Variants in PKHD1L1 observed in about 807,000 individuals in gnomAD.
PKHD1L1 encodes PKHD1 like 1, also known as fibrocystin-L.
Under a neutral mutation model 462.9 loss-of-function variants are expected in PKHD1L1, and 434 were observed. The observed-to-expected ratio is 0.94, with a 90% confidence interval of 0.87 to 1.02. PKHD1L1 has a LOEUF of 1.02. PKHD1L1 is among the 50% of genes least tolerant of loss of function. The pLI is 0.00. For missense variants in PKHD1L1, 5,202 were observed against 5,096.1 expected, an observed-to-expected ratio of 1.02 and a Z score of -0.63; for synonymous variants, 1,781 against 1,750.0, an observed-to-expected ratio of 1.02 and a Z score of -0.44.
chr8:109,408,232 C>T (rs761294743), intron 18 of PKHD1L1, 26 bp downstream of exon 18: 26 of 1,595,756 alleles, frequency 1.6e-5, no homozygotes, highest in East Asian at 1.4e-4. Flanking sequence ...GTTTCTACCA[C>T]GCATTTTCCC....
chr8:109,376,300 A>G (rs1165083489), intron 2 of PKHD1L1, among the ~76,000 whole-genome samples: 7 of 152,178 alleles, frequency 4.6e-5, no homozygotes, highest in Non-Finnish European at 1.0e-4. Flanking sequence ...CCTCCGAGCC[A>G]TGTGCAGGAT....
At chr8:109,367,899 C>T (rs76002311) in intron 2 of PKHD1L1, among the ~76,000 whole-genome samples, 1 of 152,104 alleles carries the variant, frequency 6.6e-6, no homozygotes, top group African/African-American at 2.4e-5. Context: ...TGAAACCCTG[C>T]TTTAAAAACA....
chr8:109,414,138 C>T (rs1814005053), intron 21 of PKHD1L1, among the ~76,000 whole-genome samples: 1 of 152,030 alleles, frequency 6.6e-6, no homozygotes, highest in African/African-American at 2.4e-5. Flanking sequence ...AAATTTATGT[C>T]AGTTGTGACT....
chr8:109,452,080 A>G (rs1397839976), intron 41 of PKHD1L1, 44 bp from the exon 42 acceptor site: 2 of 1,568,282 alleles, frequency 1.3e-6, no homozygotes, highest in Non-Finnish European at 1.7e-6. Flanking sequence ...TGATCTAGAT[A>G]TTTGAGAAAA....
At position 109,498,459 on chromosome 8, in the gene PKHD1L1, C is replaced by G; in HGVS notation, c.10600-3C>G. ...CTATATTGTTTGGCTTATTTCCAAA[C>G]AGAGCTCATTAATTGTTGGAAGTAG... On this transcript the variant is annotated splice_polypyrimidine_tract_variant and splice_region_variant and intron_variant, in intron 65 of 77. Coordinates refer to ENST00000378402, the MANE Select transcript of PKHD1L1 (RefSeq NM_177531.6). The G allele has an allele frequency of 6.3e-7, 1 of 1,592,754 alleles. No individual in the cohort carries two copies. The highest frequency in any genetic ancestry group is 8.6e-7 in the Non-Finnish European group (1 of 1,161,124).
intron 27 of PKHD1L1, among the ~76,000 whole-genome samples, chr8:109,430,972 CTTT>C (rs11315322): frequency 2.9e-5 from 4 of 138,948 alleles, no homozygotes. Context: ...TGAATTCCCA[CTTT>C]TTTTTTTTTT....
chr8:109,461,666 G>T (rs1326685638), intron 47 of PKHD1L1, 106 bp from the exon 48 acceptor site: 6 of 1,215,648 alleles, frequency 4.9e-6, no homozygotes, highest in African/African-American at 1.5e-5. Context: ...CTAGGATGAG[G>T]TTGAGATCAT....
rs73704009 is a variant in PKHD1L1, at chr8:109,454,259, A to T, written c.6744+13A>T. The stretch of plus-strand genomic sequence containing the variant: ...AGGTGTTCTTCAGGTATTCAAAAGA[A>T]CATAATACATATTCATTTCCAACCT... On this transcript the variant is annotated intron_variant, in intron 44 of 77. Coordinates refer to ENST00000378402, the MANE Select transcript of PKHD1L1 (RefSeq NM_177531.6). 2.5e-3 allele frequency: 3,944 copies of T among 1,553,036 alleles called. 90 individuals are homozygous for T. In the African/African-American group the frequency reaches 0.047, roughly 19 times the overall value.
Position 109,498,705 on chromosome 8 carries a change from G to C in PKHD1L1, c.10762G>C (p.Ala3588Pro). Residue 3588 changes from alanine to proline, a missense_variant, in exon 67 of 78, where the codon GCA (alanine) becomes CCA (proline). Ala to Pro is a conservative substitution (Grantham distance 27, BLOSUM62 -1). Coordinates refer to ENST00000378402, the MANE Select transcript of PKHD1L1 (RefSeq NM_177531.6). The part of the protein sequence containing the change: ...WPTFASAHNM[A>P]PRKPHAGIMS... The stretch of plus-strand genomic sequence containing the variant: ...TACCTTTGCTTCAGCTCATAACATG[G>C]CACCCCGAAAGCCCCATGCAGGAAT... 6.2e-7 allele frequency: 1 copy of C among 1,613,956 alleles called. No homozygotes were observed. Among genetic ancestry groups the C allele is most frequent in the South Asian group, 1.1e-5 (1 of 91,076 alleles).
intron 67 of PKHD1L1, among the ~76,000 whole-genome samples, chr8:109,502,235 A>G (rs1819457293): frequency 6.6e-6 from 1 of 152,114 alleles, no homozygotes; most frequent in African/African-American, 2.4e-5. Context: ...GGGCATTTCT[A>G]CTTAATGTGG....
chr8:109,445,312 G>T lies in PKHD1L1; in HGVS notation c.5443G>T (p.Val1815Leu). Residue 1815 changes from valine (V) to leucine (L), a missense_variant, in exon 38 of 78, where the codon GTG becomes TTG. Val to Leu is a conservative substitution (Grantham distance 32, BLOSUM62 1). Around this residue, in one of 3 missense-constraint regions of PKHD1L1, gnomAD observed 4,497 missense variants for 4,336.8 expected, o/e 1.04. Coordinates refer to ENST00000378402, the MANE Select transcript of PKHD1L1 (RefSeq NM_177531.6). ...LPVGHHSVSVVVGSKGLALGN... is the reference protein window; with the variant it reads ...LPVGHHSVSVLVGSKGLALGN... ...AGTTGGACATCATTCTGTTAGTGTT[G>T]TGGTGGGAAGTAAAGGCTTGGCTCT... 6.2e-7 allele frequency: 1 copy of T among 1,613,928 alleles called. No homozygotes were observed. The highest frequency in any genetic ancestry group is 2.2e-5 in the East Asian group (1 of 44,874).
At chr8:109,476,461 C>A in intron 51 of PKHD1L1, 47 bp from the exon 52 acceptor site, 2 of 1,217,262 alleles carry the variant, frequency 1.6e-6, no homozygotes, top group Admixed American at 2.8e-5. Flanking sequence ...ATGTGTTATA[C>A]GAAGAATATT....
At chr8:109,489,616 G>C (rs570524267) in intron 59 of PKHD1L1, among the ~76,000 whole-genome samples, 30 of 151,964 alleles carry the variant, frequency 2.0e-4, no homozygotes, top group Non-Finnish European at 4.0e-4. Flanking sequence ...CACCCCCCAG[G>C]AGGAAAAACT....
intron 14 of PKHD1L1, among the ~76,000 whole-genome samples, 167 bp from the exon 15 acceptor site, chr8:109,404,387 A>AATGCTGTGAAAATTTTAACAT (rs1813420955): frequency 6.6e-6 from 1 of 152,172 alleles, no homozygotes; most frequent in Admixed American, 6.6e-5. Context: ...ATTTTGGCAA[A>AATGCTGTGAAAATTTTAACAT]ATGCTGTGAA....
Position 109,531,545 on chromosome 8 carries a change from C to T in PKHD1L1, c.*1455C>T, listed in dbSNP as rs1821042547. 6.6e-6 allele frequency among the ~76,000 whole-genome samples: 1 copy of T among 151,656 alleles called. No homozygotes were observed. Among genetic ancestry groups the T allele is most frequent in the Non-Finnish European group, 1.5e-5 (1 of 67,924 alleles). On this transcript the variant is annotated 3_prime_UTR_variant, in exon 78 of 78. Transcript: ENST00000378402. ...CATGAGGTTGCTAGCAATATGGAGG[C>T]CTTAAGCCTTGTTCAGGAGGGCTAC...
chr8:109,481,288 C>T, intron 55 of PKHD1L1, 145 bp from the exon 56 acceptor site: 3 of 684,014 alleles, frequency 4.4e-6, no homozygotes, highest in Non-Finnish European at 6.7e-6. Flanking sequence ...AAATTAAAGT[C>T]ACTTCCAGTT....
intron 48 of PKHD1L1, among the ~76,000 whole-genome samples, chr8:109,463,411 T>C (rs1411973044): frequency 7.2e-6 from 1 of 138,544 alleles, no homozygotes; most frequent in Non-Finnish European, 1.6e-5. Flanking sequence ...ATGTTACATG[T>C]GACATCTCAA....
chr8:109,368,871 G>A (rs767461026), intron 2 of PKHD1L1, among the ~76,000 whole-genome samples: 1 of 152,118 alleles, frequency 6.6e-6, no homozygotes, highest in Non-Finnish European at 1.5e-5. Flanking sequence ...TCCATCCGAA[G>A]CCTCATCCTT....
chr8:109,436,267 A>C, intron 29 of PKHD1L1, 71 bp from the exon 30 acceptor site: 2 of 1,483,668 alleles, frequency 1.3e-6, no homozygotes, highest in Non-Finnish European at 1.8e-6. Flanking sequence ...TTCTCAAAAA[A>C]TGTTACTAAC....
Sources: allele counts gnomAD v4.1 joint callset (sites outside exome capture counted in the v4.1 genomes callset), GRCh38; gene constraint gnomAD v4.1.1; regional missense constraint gnomAD v4.1.1; transcripts MANE v1.5; gene names NCBI Gene and HGNC (gene_info 2026-07-23, HGNC 2026-07-21).